The following TNIK variants were observed in gnomAD, a reference collection of about 807,000 sequenced individuals.
The protein encoded by TNIK is TRAF2 and NCK-interacting protein kinase.
TNIK carries 49 observed loss-of-function variants against 191.3 expected under a neutral mutation model. The observed-to-expected ratio is 0.26, with a 90% CI of 0.20 to 0.32. The LOEUF (loss-of-function observed/expected upper bound fraction) is 0.32. Ranked by LOEUF, TNIK falls within the 10% of genes least tolerant of loss-of-function variation. The pLI, the probability that TNIK is intolerant of heterozygous loss-of-function variation, is 1.00. For missense variants in TNIK, 1,155 were observed against 1,702.3 expected, an observed-to-expected ratio of 0.68 and a Z score of 5.66; for synonymous variants, 594 against 600.9, an observed-to-expected ratio of 0.99 and a Z score of 0.17.
chr3:171,163,739 T>C (rs998738996), intron 10 of TNIK, among the ~76,000 whole-genome samples: 2 of 152,186 alleles, frequency 1.3e-5, no homozygotes, highest in African/African-American at 4.8e-5. Context: ...AAGCACACAA[T>C]TATTCCAATT....
intron 9 of TNIK, among the ~76,000 whole-genome samples, chr3:171,174,736 A>G (rs543613816): frequency 6.6e-6 from 1 of 152,316 alleles, no homozygotes; most frequent in Admixed American, 6.5e-5. Flanking sequence ...TGCCCCAAAT[A>G]AGAAGCCAGT....
At chr3:171,343,557 C>T (rs1258323385) in intron 2 of TNIK, among the ~76,000 whole-genome samples, 1 of 152,136 alleles carries the variant, frequency 6.6e-6, no homozygotes, top group Non-Finnish European at 1.5e-5. Flanking sequence ...ACAGCACCTG[C>T]TTGCAATTCT....
chr3:171,346,252 G>A (rs1409094475), intron 2 of TNIK, among the ~76,000 whole-genome samples: 1 of 152,130 alleles, frequency 6.6e-6, no homozygotes, highest in Non-Finnish European at 1.5e-5. Flanking sequence ...TTGAGTCACT[G>A]TAGATAAATG....
chr3:171,255,830 C>T (rs1259861051), intron 2 of TNIK, among the ~76,000 whole-genome samples: 1 of 152,080 alleles, frequency 6.6e-6, no homozygotes, highest in Non-Finnish European at 1.5e-5. Context: ...ATTGAAGAGC[C>T]GTAAATGCCA....
chr3:171,142,097 G>T (rs1730919430), intron 12 of TNIK, among the ~76,000 whole-genome samples: 1 of 152,150 alleles, frequency 6.6e-6, no homozygotes, highest in African/African-American at 2.4e-5. Context: ...TCTGAGTCTT[G>T]GGAGATAAGC....
intron 1 of TNIK, among the ~76,000 whole-genome samples, chr3:171,376,127 C>A (rs1313079459): frequency 6.6e-6 from 1 of 152,150 alleles, no homozygotes; most frequent in East Asian, 1.9e-4. Flanking sequence ...GGTTTCAGCC[C>A]TAACTGACAA....
intron 2 of TNIK, among the ~76,000 whole-genome samples, chr3:171,273,005 A>G (rs1418600402): frequency 6.6e-6 from 1 of 152,220 alleles, no homozygotes; most frequent in Non-Finnish European, 1.5e-5. Flanking sequence ...CCAACCAGAG[A>G]TTCTGGTCAG....
chr3:171,317,366 A>G (rs934711328), intron 2 of TNIK, among the ~76,000 whole-genome samples: 1 of 152,152 alleles, frequency 6.6e-6, no homozygotes, highest in Non-Finnish European at 1.5e-5. Context: ...GCACCATGAT[A>G]GTGGGATGTG....
In TNIK at chr3:171,366,257, G is replaced by A. The variant is rs535504638; in HGVS notation, c.123+3363C>T. On this transcript the variant is annotated intron_variant, in intron 2 of 32. Transcript: ENST00000436636. This position sits in a 1 kb window ranked among gnomAD's most constrained non-coding sequence, Gnocchi z 4.1. ...TCTTTATTATTTACCTATGCTCCTC[G>A]GTAAATAAAGCAAAAAACAGACATT... Among the ~76,000 whole-genome samples, 17 of 151,854 alleles carry A rather than the reference G, an allele frequency of 1.1e-4. No homozygotes were observed. Among genetic ancestry groups the A allele is most frequent in the Non-Finnish European group, 1.9e-4 (13 of 67,966 alleles).
At position 171,058,798 on chromosome 3, in the gene TNIK, A is replaced by G. The variant is rs1717580769; in HGVS notation, c.*5083T>C. Among the ~76,000 whole-genome samples the G allele has an allele frequency of 6.6e-6, 1 of 152,242 alleles. No individual in the cohort carries two copies. Among genetic ancestry groups the G allele is most frequent in the African/African-American group, 2.4e-5 (1 of 41,468 alleles). On this transcript the variant is annotated 3_prime_UTR_variant, in exon 33 of 33. Coordinates refer to ENST00000436636, the MANE Select transcript of TNIK (RefSeq NM_015028.4). ...GGCATCTCTCTACAGTTATATTAACATAAATAAGGCAGCTAAAACGTTCAA... is the reference window on the plus strand; with the variant it reads ...GGCATCTCTCTACAGTTATATTAACGTAAATAAGGCAGCTAAAACGTTCAA...
chr3:171,219,897 T>C (rs1375385380), intron 3 of TNIK, among the ~76,000 whole-genome samples: 1 of 152,180 alleles, frequency 6.6e-6, no homozygotes, highest in Admixed American at 6.5e-5. Flanking sequence ...ACTGGGTATA[T>C]ACCCAAAGGA....
At chr3:171,093,622 A>G (rs1213728940) in intron 23 of TNIK, among the ~76,000 whole-genome samples, 2 of 152,226 alleles carry the variant, frequency 1.3e-5, no homozygotes, top group African/African-American at 4.8e-5. Flanking sequence ...AGAATTTGGA[A>G]TAATATAATT....
chr3:171,443,987 C>A (rs1004370651), intron 1 of TNIK, among the ~76,000 whole-genome samples: 2 of 152,168 alleles, frequency 1.3e-5, no homozygotes, highest in Non-Finnish European at 1.5e-5. Context: ...TGATGATTGT[C>A]TAACCATCGG....
chr3:171,404,832 G>A (rs1350022101), intron 1 of TNIK, among the ~76,000 whole-genome samples: 2 of 152,214 alleles, frequency 1.3e-5, no homozygotes, highest in Middle Eastern at 3.4e-3. Context: ...TCAGTCTGGC[G>A]GTTTCTCCAC....
intron 1 of TNIK, among the ~76,000 whole-genome samples, chr3:171,382,211 A>T (rs1718122434): frequency 7.0e-6 from 1 of 142,950 alleles, no homozygotes; most frequent in African/African-American, 2.6e-5. Context: ...AAGGTTGTTG[A>T]ATACATCTTT....
At chr3:171,430,464 G>T (rs975313354) in intron 1 of TNIK, among the ~76,000 whole-genome samples, 1 of 151,330 alleles carries the variant, frequency 6.6e-6, no homozygotes, top group Admixed American at 6.6e-5. Context: ...ACATAGGGAG[G>T]GTCTGTCTCT....
chr3:171,301,215 T>C lies in TNIK; in HGVS notation c.123+68405A>G, dbSNP rs78631732. On this transcript the variant is annotated intron_variant, in intron 2 of 32. Coordinates refer to ENST00000436636, the MANE Select transcript of TNIK (RefSeq NM_015028.4). ...GATAAGCATTGCCTACATGGTGCTC[T>C]GGCAATAGTAATTAACTGGAATCTA... Among the ~76,000 whole-genome samples the C allele has an allele frequency of 6.4e-3, 975 of 151,924 alleles. 12 individuals carry two copies. Among genetic ancestry groups the C allele is most frequent in the African/African-American group, 0.023 (937 of 41,426 alleles).
chr3:171,110,029 C>G (rs573127184), intron 19 of TNIK, among the ~76,000 whole-genome samples: 36 of 152,074 alleles, frequency 2.4e-4, no homozygotes, highest in African/African-American at 8.4e-4. Context: ...CTCAGCCTCC[C>G]GAGTAGCTGG....
At chr3:171,379,498 C>T (rs566167990) in intron 1 of TNIK, among the ~76,000 whole-genome samples, 1 of 152,296 alleles carries the variant, frequency 6.6e-6, no homozygotes, top group Admixed American at 6.5e-5. Context: ...GTCACGACTA[C>T]AAACCTGCTT....
Sources: gnomAD v4.1 joint callset for allele counts (sites outside exome capture counted in the v4.1 genomes callset) on GRCh38, gnomAD v4.1.1 for gene constraint, Gnocchi (gnomAD v3.1) non-coding constraint, MANE v1.5 for transcripts, NCBI Gene and HGNC (gene_info 2026-07-23, HGNC 2026-07-21) for gene names.